Variants in ATXN10 observed in about 807,000 individuals in gnomAD.
The protein encoded by ATXN10 is ataxin-10.
In ATXN10, 28 loss-of-function variants were observed where a neutral mutation model predicts 52.9. The ratio of observed to expected loss-of-function variants is 0.53; its 90% CI spans 0.39 to 0.73. The LOEUF (loss-of-function observed/expected upper bound fraction) is 0.73. Among genes scored for constraint, ATXN10 ranks in the 30% least tolerant of loss-of-function variants. The probability of loss-of-function intolerance (pLI) is 0.00; values close to 1 mark genes in which losing one functional copy is unlikely to be tolerated. For synonymous variants in ATXN10, 226 were observed against 221.5 expected, an observed-to-expected ratio of 1.02 and a Z score of -0.18; for missense variants, 565 against 577.0, an observed-to-expected ratio of 0.98 and a Z score of 0.21.
intron 2 of ATXN10, 39 bp downstream of exon 2, chr22:45,689,942 A>T: frequency 1.3e-6 from 2 of 1,594,428 alleles, no homozygotes; most frequent in Non-Finnish European, 1.7e-6. Context: ...TTCTTTGTAT[A>T]TGTGCATGCT....
intron 3 of ATXN10, among the ~76,000 whole-genome samples, chr22:45,699,392 C>G (rs1308494381): frequency 6.6e-6 from 1 of 150,404 alleles, no homozygotes; most frequent in Admixed American, 6.6e-5. Context: ...TCAGATCAAC[C>G]TATACTGTTG....
intron 2 of ATXN10, among the ~76,000 whole-genome samples, chr22:45,692,788 A>C (rs1002894657): frequency 1.3e-5 from 2 of 152,200 alleles, no homozygotes; most frequent in African/African-American, 4.8e-5. Context: ...ACTCAAAGAA[A>C]GCTGTTGGAA....
chr22:45,736,814 G>C (rs1288414705), intron 7 of ATXN10, among the ~76,000 whole-genome samples: 1 of 152,060 alleles, frequency 6.6e-6, no homozygotes, highest in Admixed American at 6.5e-5. Flanking sequence ...CATGAGGCTT[G>C]GTTGTCTCTG....
Position 45,781,802 on chromosome 22 carries a change from A to G in ATXN10, c.1174-25157A>G, listed in dbSNP as rs546724784. Among the ~76,000 whole-genome samples the G allele has an allele frequency of 2.1e-4, 32 of 152,312 alleles. No homozygotes were observed. Among genetic ancestry groups the G allele is most frequent in the African/African-American group, 6.3e-4 (26 of 41,574 alleles). On this transcript the variant is annotated intron_variant, in intron 9 of 11. Coordinates refer to ENST00000252934, the MANE Select transcript of ATXN10 (RefSeq NM_013236.4). This position sits in a 1 kb window ranked among gnomAD's most constrained non-coding sequence, Gnocchi z 4.2. Reference sequence around the variant, plus strand: ...AAAGCCACGTGGAAATTTTAGGACTAAAAAAACAGCAACCTGAAATAAAAA... The same window carrying G: ...AAAGCCACGTGGAAATTTTAGGACTGAAAAAACAGCAACCTGAAATAAAAA...
intron 10 of ATXN10, among the ~76,000 whole-genome samples, chr22:45,821,455 G>A (rs1928646725): frequency 6.6e-6 from 1 of 151,318 alleles, no homozygotes; most frequent in Admixed American, 6.6e-5. Context: ...GATTGTGAAA[G>A]ACCCCAACCT....
At chr22:45,751,763 A>AAATAATAATAATAATAATAATAAT (rs1165303275) in intron 9 of ATXN10, among the ~76,000 whole-genome samples, 1 of 66,612 alleles carries the variant, frequency 1.5e-5, no homozygotes, top group East Asian at 3.1e-4. Context: ...AATAAAAAAA[A>AAATAATAATAATAATAATAATAAT]AATAATAATA....
intron 5 of ATXN10, among the ~76,000 whole-genome samples, chr22:45,713,268 G>A (rs755248205): frequency 1.3e-5 from 2 of 152,144 alleles, no homozygotes; most frequent in African/African-American, 2.4e-5. Flanking sequence ...AACTGTTCAC[G>A]TACTTTAAAA....
chr22:45,672,068 CG>C lies in ATXN10; in HGVS notation c.7del (p.Ala3ArgfsTer52). The C allele has an allele frequency of 6.5e-7, 1 of 1,536,964 alleles. No individual in the cohort carries two copies. Among genetic ancestry groups the C allele is most frequent in the Non-Finnish European group, 8.7e-7 (1 of 1,145,146 alleles). ...GACCCAGCTGTGAGCGGCAAGATGG[CG>C]GCGCCCAGGCCGCCGCCTGCCAGGC... M[A>X]APRPPPARLS... On this transcript the variant is annotated frameshift_variant, in exon 1 of 12. Coordinates refer to ENST00000252934, the MANE Select transcript of ATXN10 (RefSeq NM_013236.4). LOFTEE classifies it high-confidence loss of function.
At chr22:45,779,804 AC>A (rs1286460171) in intron 9 of ATXN10, among the ~76,000 whole-genome samples, 1 of 152,210 alleles carries the variant, frequency 6.6e-6, no homozygotes, top group African/African-American at 2.4e-5. Context: ...ATTCGTACAT[AC>A]TTTTTGAGAG....
At chr22:45,714,030 G>T (rs1246938272) in intron 5 of ATXN10, among the ~76,000 whole-genome samples, 2 of 152,162 alleles carry the variant, frequency 1.3e-5, no homozygotes, top group Non-Finnish European at 2.9e-5. Context: ...TGGGTCAAAA[G>T]GAATGTACTG....
rs1928767759 is a variant in ATXN10 at position 45,824,899 on chromosome 22, C to T, written c.1237+17877C>T. Among the ~76,000 whole-genome samples the T allele has an allele frequency of 6.6e-6, 1 of 152,188 alleles. No individual in the cohort carries two copies. The highest frequency in any genetic ancestry group is 2.4e-5 in the African/African-American group (1 of 41,444). On this transcript the variant is annotated intron_variant, in intron 10 of 11. Transcript: ENST00000252934. This position sits in a 1 kb window ranked among gnomAD's most constrained non-coding sequence, Gnocchi z 5.2. ...TAGGAGGTCCCAGGAATCTCCTAGA[C>T]AACATTTGTACTGAATCTGATGTAA...
rs952155455 is a variant in ATXN10 at position 45,781,314 on chromosome 22, C to T, written c.1174-25645C>T. On this transcript the variant is annotated intron_variant, in intron 9 of 11. Coordinates refer to ENST00000252934, the MANE Select transcript of ATXN10 (RefSeq NM_013236.4). This position sits in a 1 kb window ranked among gnomAD's most constrained non-coding sequence, Gnocchi z 4.2. ...AATGAGGCATCCCCCAACCCCTGCC[C>T]AGCTGTACTGTCAGCAGAGACCGAG... Among the ~76,000 whole-genome samples, 2 of 152,062 alleles carry T rather than the reference C, an allele frequency of 1.3e-5. No individual in the cohort carries two copies. Among genetic ancestry groups the T allele is most frequent in the African/African-American group, 4.8e-5 (2 of 41,402 alleles).
intron 9 of ATXN10, among the ~76,000 whole-genome samples, chr22:45,752,962 G>A (rs1253796472): frequency 1.3e-5 from 2 of 152,058 alleles, no homozygotes; most frequent in South Asian, 2.1e-4. Flanking sequence ...TTGAACTCCC[G>A]ACCTCAGGTA....
At chr22:45,796,858 A>G (rs911577678) in intron 9 of ATXN10, among the ~76,000 whole-genome samples, 1 of 152,220 alleles carries the variant, frequency 6.6e-6, no homozygotes, top group Admixed American at 6.5e-5. Context: ...TATACTTTGA[A>G]TATAAAGGTG....
intron 9 of ATXN10, among the ~76,000 whole-genome samples, chr22:45,782,667 C>G (rs534419772): frequency 2.6e-5 from 4 of 152,160 alleles, no homozygotes; most frequent in African/African-American, 9.7e-5. Flanking sequence ...ATGTTCTTTA[C>G]CACTATATGA....
intron 9 of ATXN10, among the ~76,000 whole-genome samples, chr22:45,752,785 C>T (rs956959497): frequency 1.3e-5 from 2 of 151,848 alleles, no homozygotes; most frequent in East Asian, 3.9e-4. Context: ...GTTGCCAAGG[C>T]TGGAGTGCAA....
rs1311969283 is a variant in ATXN10 at position 45,844,033 on chromosome 22, G to C, written c.*362G>C. 7.3e-6 allele frequency: 2 copies of C among 272,436 alleles called. No homozygotes were observed. The highest frequency in any genetic ancestry group is 1.4e-5 in the Non-Finnish European group (2 of 143,484). The allele number at this position is 272,436 out of a possible 1,614,324, so 16.9% of individuals were successfully genotyped here. A position where few individuals can be genotyped will look rare whatever the true frequency, so the allele number is the denominator to read the frequency against. On this transcript the variant is annotated 3_prime_UTR_variant, in exon 12 of 12. Transcript: ENST00000252934. Reference sequence around the variant, plus strand: ...CTGTGTTTGTCCCTTCAGATGGCAAGTCAGCATCATTCTTTATATTCCTCT... The same window carrying C: ...CTGTGTTTGTCCCTTCAGATGGCAACTCAGCATCATTCTTTATATTCCTCT...
rs562055061 is a variant in ATXN10 at position 45,708,121 on chromosome 22, C to G, written c.647+5274C>G. ...AAAGTGTAGGCGAGAAAGTCTTTGG[C>G]ACTACTTGGTTTGAATTATTGGGAT... On this transcript the variant is annotated intron_variant, in intron 5 of 11. Transcript: ENST00000252934. The surrounding 1 kb of genome is among the most constrained non-coding windows in gnomAD (Gnocchi z 5.3). 6.6e-6 allele frequency among the ~76,000 whole-genome samples: 1 copy of G among 152,140 alleles called. No homozygotes were observed. Among genetic ancestry groups the G allele is most frequent in the African/African-American group, 2.4e-5 (1 of 41,436 alleles).
rs374711571 is a variant in ATXN10, at chr22:45,711,962, T to C, written c.648-6451T>C. ...TTGTGATTTTGTGTATACGTGTATA[T>C]CTTTTTGTGAAATGTTGTATGGAAT... On this transcript the variant is annotated intron_variant, in intron 5 of 11. Coordinates refer to ENST00000252934, the MANE Select transcript of ATXN10 (RefSeq NM_013236.4). 7.9e-5 allele frequency among the ~76,000 whole-genome samples: 12 copies of C among 152,370 alleles called. No homozygotes were observed. In the South Asian group the frequency reaches 1.9e-3, roughly 24 times the overall value.
Sources: allele counts gnomAD v4.1 joint callset (sites outside exome capture counted in the v4.1 genomes callset), GRCh38; gene constraint gnomAD v4.1.1; non-coding constraint Gnocchi (gnomAD v3.1); transcripts MANE v1.5; gene names NCBI Gene and HGNC (gene_info 2026-07-23, HGNC 2026-07-21).